FBXO41: variants seen among roughly 807,000 people sequenced by gnomAD.
FBXO41 encodes F-box only protein 41.
Under a neutral mutation model 81.6 loss-of-function variants are expected in FBXO41, and 33 were observed. That is an observed-to-expected ratio of 0.40 (90% CI 0.31 to 0.54). The LOEUF is 0.54. Among genes scored for constraint, FBXO41 ranks in the 20% least tolerant of loss-of-function variants. The probability of loss-of-function intolerance (pLI) is 0.39; values close to 1 mark genes in which losing one functional copy is unlikely to be tolerated. For synonymous variants in FBXO41, 576 were observed against 552.7 expected (o/e 1.04, Z -0.59); for missense variants, 1,107 against 1,236.0 (o/e 0.90, Z 1.56).
chr2:73,280,624 A>G (rs1688819998), intron 1 of FBXO41, among the ~76,000 whole-genome samples: 1 of 152,210 alleles, frequency 6.6e-6, no homozygotes, highest in Non-Finnish European at 1.5e-5. Context: ...CTGGGCCTGA[A>G]TTCTGCAGGC....
chr2:73,284,090 C>A lies in FBXO41; in HGVS notation c.-139+70G>T, dbSNP rs1307155731. On this transcript the variant is annotated intron_variant, in intron 1 of 12. Coordinates refer to ENST00000520530, the MANE Select transcript of FBXO41 (RefSeq NM_001371389.2). This position sits in a 1 kb window ranked among gnomAD's most constrained non-coding sequence, Gnocchi z 7.4. ...AAGGAGCCGGAAGGGGAAGAAGGGA[C>A]AGTGGCTGGGGTCCTCCCTCCTTCC... 4 of 152,546 alleles carry A rather than the reference C, an allele frequency of 2.6e-5. No individual in the cohort carries two copies. The highest frequency in any genetic ancestry group is 9.6e-5 in the African/African-American group (4 of 41,596). 9.4% of individuals were successfully genotyped at this position (152,546 alleles called of 1,614,324 possible). A position where few individuals can be genotyped will look rare whatever the true frequency, so the allele number is the denominator to read the frequency against.
At chr2:73,277,950 G>T (rs1322859550) in intron 1 of FBXO41, among the ~76,000 whole-genome samples, 1 of 152,186 alleles carries the variant, frequency 6.6e-6, no homozygotes, top group Non-Finnish European at 1.5e-5. Context: ...TTGTGGCCGG[G>T]TTGTCAATCC....
Position 73,265,355 on chromosome 2 carries a change from C to T in FBXO41, c.1491G>A (p.Glu497=). The part of the protein sequence containing the change: ...SDVGSRTTES[E]AEGPLDAPRP... ...GGGGCGCATCCAACGGGCCCTCAGC[C>T]TCTGACTCAGTGGTTCGGGAGCCAA... Residue 497 remains glutamate, a synonymous_variant, in exon 5 of 13, where the codon GAG becomes GAA. Coordinates refer to ENST00000520530, the MANE Select transcript of FBXO41 (RefSeq NM_001371389.2). The T allele has an allele frequency of 1.2e-6, 2 of 1,612,110 alleles. No individual in the cohort carries two copies. Among genetic ancestry groups the T allele is most frequent in the Non-Finnish European group, 8.5e-7 (1 of 1,179,776 alleles).
rs1687748778 is a variant in FBXO41, at chr2:73,254,877, G to A, written c.*4105C>T. ...GTGTGGCCAGGGAAGGCCCCCTGGG[G>A]GCTGGAGGTACAGGCACCACTTCAG... On this transcript the variant is annotated 3_prime_UTR_variant, in exon 13 of 13. Coordinates refer to ENST00000520530, the MANE Select transcript of FBXO41 (RefSeq NM_001371389.2). The A allele has an allele frequency of 6.5e-6, 1 of 152,706 alleles. No individual in the cohort carries two copies. The allele number at this position is 152,706 out of a possible 1,614,324, so 9.5% of individuals were successfully genotyped here. A position where few individuals can be genotyped will look rare whatever the true frequency, so the allele number is the denominator to read the frequency against.
chr2:73,270,097 G>A (rs998646212), intron 1 of FBXO41, among the ~76,000 whole-genome samples: 4 of 152,214 alleles, frequency 2.6e-5, no homozygotes, highest in Non-Finnish European at 1.5e-5. Flanking sequence ...CCAGCAATAA[G>A]AAAAGAAACT....
Position 73,259,982 on chromosome 2 carries a change from CTG to C in FBXO41, c.2449+405_2449+406del, listed in dbSNP as rs138516516. 3.5e-3 allele frequency among the ~76,000 whole-genome samples: 540 copies of C among 152,176 alleles called. 2 individuals are homozygous for C. Among genetic ancestry groups the C allele is most frequent in the Middle Eastern group, 0.01 (3 of 294 alleles). ...GTCCTCAGTGCAGGTGGAGTAGTGACTGAGAGTGGAGTGGGTGGTTTGAGAAA... is the reference window on the plus strand; with the variant it reads ...GTCCTCAGTGCAGGTGGAGTAGTGACAGAGTGGAGTGGGTGGTTTGAGAAA... On this transcript the variant is annotated intron_variant, in intron 11 of 12. Coordinates refer to ENST00000520530, the MANE Select transcript of FBXO41 (RefSeq NM_001371389.2). This position sits in a 1 kb window ranked among gnomAD's most constrained non-coding sequence, Gnocchi z 4.2.
At chr2:73,274,103 TA>T (rs1053303190) in intron 1 of FBXO41, among the ~76,000 whole-genome samples, 31 of 152,316 alleles carry the variant, frequency 2.0e-4, no homozygotes, top group South Asian at 4.1e-4. Context: ...ATTCCATCTG[TA>T]AAGGCATCGG....
At chr2:73,276,598 GA>G (rs1688694281) in intron 1 of FBXO41, among the ~76,000 whole-genome samples, 1 of 97,374 alleles carries the variant, frequency 1.0e-5, no homozygotes, top group Non-Finnish European at 2.0e-5. Context: ...GAGAGAGAGA[GA>G]GAGAGGGAGA....
rs745969676 is a variant in FBXO41, at chr2:73,264,513, G to T, written c.1571C>A (p.Pro524His). The T allele has an allele frequency of 1.2e-6, 2 of 1,613,538 alleles. No individual in the cohort carries two copies. Among genetic ancestry groups the T allele is most frequent in the East Asian group, 4.5e-5 (2 of 44,878 alleles). Reference protein sequence around the residue: ...PLSSCRLSARPEGGSGRGRRA... With the variant: ...PLSSCRLSARHEGGSGRGRRA... The stretch of plus-strand genomic sequence containing the variant: ...CCGACCCCGCCCACTGCCTCCCTCG[G>T]GGCGGGCTGCAGAATACCAGGGGTT... Residue 524 changes from proline to histidine, a missense_variant, in exon 6 of 13, where the codon CCC becomes CAC. Transcript: ENST00000520530.
intron 1 of FBXO41, among the ~76,000 whole-genome samples, chr2:73,274,913 C>G (rs1376606817): frequency 6.6e-6 from 1 of 150,800 alleles, no homozygotes; most frequent in Admixed American, 6.6e-5. Flanking sequence ...CGGAGTATCG[C>G]TCTGTCGCCC....
At chr2:73,283,538 C>T (rs550627365) in intron 1 of FBXO41, among the ~76,000 whole-genome samples, 13 of 152,214 alleles carry the variant, frequency 8.5e-5, no homozygotes, top group African/African-American at 3.1e-4. Flanking sequence ...ACACAGTACT[C>T]GCTGGCCGAC....
intron 8 of FBXO41, 81 bp from the exon 9 acceptor site, chr2:73,263,389 G>C: frequency 8.9e-7 from 1 of 1,129,248 alleles, no homozygotes; most frequent in Non-Finnish European, 1.2e-6. Context: ...TCAAGGCCGA[G>C]GTTGGGGATC....
intron 1 of FBXO41, among the ~76,000 whole-genome samples, chr2:73,280,239 A>G (rs1037389112): frequency 6.6e-6 from 1 of 151,430 alleles, no homozygotes; most frequent in Non-Finnish European, 1.5e-5. Flanking sequence ...GATTTTGTCT[A>G]CTTTTCCTAA....
Position 73,269,451 on chromosome 2 carries a change from AGCGGCGGCGGCGGCC to A in FBXO41, c.165_179del (p.Ala57_Ala61del), listed in dbSNP as rs745776576. 5.1e-4 allele frequency: 659 copies of A among 1,291,488 alleles called. 21 individuals are homozygous for A. The highest frequency in any genetic ancestry group is 6.7e-4 in the South Asian group (29 of 43,206). 80.0% of individuals were successfully genotyped at this position (1,291,488 alleles called of 1,614,324 possible). Reference sequence around the variant, plus strand: ...CGGGAGCCAGCGGGAACCCCGAGGCAGCGGCGGCGGCGGCCGCGGCGGCGGCGGCGCCGTCGCAGA... The same window carrying A: ...CGGGAGCCAGCGGGAACCCCGAGGCAGCGGCGGCGGCGGCGCCGTCGCAGA... On this transcript the variant is annotated inframe_deletion, in exon 2 of 13. Coordinates refer to ENST00000520530, the MANE Select transcript of FBXO41 (RefSeq NM_001371389.2). The surrounding 1 kb of genome is among the most constrained non-coding windows in gnomAD (Gnocchi z 7.0).
At chr2:73,270,440 C>T (rs1313449255) in intron 1 of FBXO41, among the ~76,000 whole-genome samples, 2 of 152,148 alleles carry the variant, frequency 1.3e-5, no homozygotes, top group Non-Finnish European at 2.9e-5. Flanking sequence ...TTTTTGCAGA[C>T]TGCACCCCCA....
intron 1 of FBXO41, among the ~76,000 whole-genome samples, chr2:73,274,164 C>T (rs1688619490): frequency 6.6e-6 from 1 of 152,232 alleles, no homozygotes; most frequent in African/African-American, 2.4e-5. Context: ...CTACCAACTG[C>T]AGCCAAACTC....
In FBXO41 at chr2:73,265,564, C is replaced by G. The variant is rs1362949339; in HGVS notation, c.1282G>C (p.Glu428Gln). ...DSDSLELPRP[E>Q]EGAPEDSGPG... is the part of the protein sequence containing the mutation. ...CCACTGTCCTCAGGGGCCCCCTCCT[C>G]TGGCCTGGGCAGCTCCAGACTGTCA... is the stretch of plus-strand genomic sequence containing the variant. Residue 428 changes from glutamate (E) to glutamine (Q), a missense_variant, in exon 5 of 13, where the codon GAG (glutamate) becomes CAG (glutamine). Glu to Gln is a conservative substitution (Grantham distance 29, BLOSUM62 2). Around this residue, in one of 2 missense-constraint regions of FBXO41, gnomAD observed 771 missense variants for 789.2 expected, o/e 0.98. Transcript: ENST00000520530. The G allele has an allele frequency of 1.3e-6, 2 of 1,567,074 alleles. No individual in the cohort carries two copies. The highest frequency in any genetic ancestry group is 1.2e-5 in the South Asian group (1 of 83,342).
At position 73,264,489 on chromosome 2, in the gene FBXO41, C is replaced by T. The variant is rs749845167; in HGVS notation, c.1595G>A (p.Arg532Gln). Reference sequence around the variant, plus strand: ...TGAGGGGCTGACCCTCTCTGCTCGCCGACCCCGCCCACTGCCTCCCTCGGG... The same window carrying T: ...TGAGGGGCTGACCCTCTCTGCTCGCTGACCCCGCCCACTGCCTCCCTCGGG... ...ARPEGGSGRG[R>Q]RAERVSPSRS... The change falls in exon 6 of 13, where the codon CGG becomes CAG. Residue 532 changes from arginine to glutamine, a missense_variant. By Grantham distance (43) the Arg-to-Gln change is conservative. Around this residue, in one of 2 missense-constraint regions of FBXO41, gnomAD observed 771 missense variants for 789.2 expected, o/e 0.98. Transcript: ENST00000520530. The T allele has an allele frequency of 9.7e-5, 156 of 1,613,610 alleles. No homozygotes were observed. Among genetic ancestry groups the T allele is most frequent in the Middle Eastern group, 3.3e-4 (2 of 6,040 alleles).
chr2:73,280,700 T>G (rs985032610), intron 1 of FBXO41, among the ~76,000 whole-genome samples: 3 of 152,184 alleles, frequency 2.0e-5, no homozygotes, highest in African/African-American at 7.2e-5. Flanking sequence ...TCAAATCACA[T>G]CACTGCATGA....
Sources: gnomAD v4.1 joint callset for allele counts (sites outside exome capture counted in the v4.1 genomes callset) on GRCh38, gnomAD v4.1.1 for gene constraint, gnomAD v4.1.1 regional missense constraint, Gnocchi (gnomAD v3.1) non-coding constraint, MANE v1.5 for transcripts, NCBI Gene and HGNC (gene_info 2026-07-23, HGNC 2026-07-21) for gene names.